DNAH11: variants seen among roughly 807,000 people sequenced by gnomAD.
DNAH11 encodes axonemal beta dynein heavy chain 11.
In DNAH11, 442 loss-of-function variants were observed where a neutral mutation model predicts 526.0. The ratio of observed to expected loss-of-function variants is 0.84; its 90% CI spans 0.78 to 0.91. The LOEUF (loss-of-function observed/expected upper bound fraction) is 0.91, where lower values mean the gene tolerates loss of function less well. Among genes scored for constraint, DNAH11 ranks in the 40% least tolerant of loss-of-function variants. DNAH11 has a pLI of 0.00. For synonymous variants in DNAH11, 2,461 were observed against 1,935.9 expected, an observed-to-expected ratio of 1.27 and a Z score of -7.12; for missense variants, 6,989 against 5,448.7, an observed-to-expected ratio of 1.28 and a Z score of -8.90.
intron 66 of DNAH11, among the ~76,000 whole-genome samples, chr7:21,848,522 G>C (rs1782506953): frequency 6.6e-6 from 1 of 151,676 alleles, no homozygotes; most frequent in South Asian, 2.1e-4. Context: ...CACTAGTTTT[G>C]TCTTTTTCTC....
At chr7:21,707,952 G>T in intron 40 of DNAH11, 117 bp downstream of exon 40, 7 of 1,072,572 alleles carry the variant, frequency 6.5e-6, no homozygotes, top group Non-Finnish European at 7.7e-6. Context: ...TGGCATTATT[G>T]GAAATATAGC....
At chr7:21,738,330 A>G (rs1003701973) in intron 46 of DNAH11, among the ~76,000 whole-genome samples, 3 of 152,218 alleles carry the variant, frequency 2.0e-5, no homozygotes, top group South Asian at 2.1e-4. Context: ...ATGACAGAGA[A>G]GAGAACTGAG....
At chr7:21,740,251 T>A (rs1400392902) in intron 48 of DNAH11, among the ~76,000 whole-genome samples, 1 of 152,182 alleles carries the variant, frequency 6.6e-6, no homozygotes, top group Non-Finnish European at 1.5e-5. Context: ...ATTTACCACA[T>A]TAACCATTTC....
intron 71 of DNAH11, among the ~76,000 whole-genome samples, chr7:21,866,906 G>A (rs985132042): frequency 5.9e-5 from 9 of 152,158 alleles, no homozygotes; most frequent in Non-Finnish European, 1.2e-4. Flanking sequence ...TGGAGACAGG[G>A]GACTGATGGA....
At chr7:21,870,366 A>G (rs1783450634) in intron 73 of DNAH11, among the ~76,000 whole-genome samples, 1 of 152,186 alleles carries the variant, frequency 6.6e-6, no homozygotes, top group African/African-American at 2.4e-5. Flanking sequence ...GATTGCAGGA[A>G]TGTAACCTTC....
chr7:21,588,377 C>T (rs956342723), intron 10 of DNAH11, 135 bp from the exon 11 acceptor site: 2 of 1,327,238 alleles, frequency 1.5e-6, no homozygotes, highest in African/African-American at 1.5e-5. Context: ...TGTAACTCTT[C>T]TAGTAATCAA....
At position 21,543,088 on chromosome 7, in the gene DNAH11, G is replaced by A. The variant is rs1038518253; in HGVS notation, c.-158G>A. 3.5e-5 allele frequency: 49 copies of A among 1,389,200 alleles called. No individual in the cohort carries two copies. In the Admixed American group the frequency reaches 1.5e-3, roughly 41 times the overall value. 86.1% of individuals were successfully genotyped at this position (1,389,200 alleles called of 1,614,324 possible). ...CGAGGCTACAGCTGTGCGCAGTGGC[G>A]CGGCTGCTAAGTAGCAGCAGGTGGG... On this transcript the variant is annotated 5_prime_UTR_variant, in exon 1 of 82. Coordinates refer to ENST00000409508, the MANE Select transcript of DNAH11 (RefSeq NM_001277115.2).
At chr7:21,854,084 T>A (rs1227788507) in intron 67 of DNAH11, among the ~76,000 whole-genome samples, 1 of 152,164 alleles carries the variant, frequency 6.6e-6, no homozygotes, top group Non-Finnish European at 1.5e-5. Context: ...ATCTGTAACC[T>A]AGAAAACCGC....
intron 32 of DNAH11, among the ~76,000 whole-genome samples, chr7:21,684,404 G>T (rs1467130957): frequency 6.6e-6 from 1 of 152,204 alleles, no homozygotes; most frequent in Non-Finnish European, 1.5e-5. Flanking sequence ...AACAGCCAGG[G>T]TTCCTGCTGT....
intron 54 of DNAH11, among the ~76,000 whole-genome samples, chr7:21,762,605 A>G (rs909617988): frequency 6.6e-6 from 1 of 152,218 alleles, no homozygotes; most frequent in African/African-American, 2.4e-5. Flanking sequence ...TTAAGTTAGC[A>G]CATGAAATAT....
At chr7:21,622,164 A>G (rs931973172) in intron 25 of DNAH11, among the ~76,000 whole-genome samples, 16 of 152,196 alleles carry the variant, frequency 1.1e-4, no homozygotes, top group Non-Finnish European at 1.8e-4. Context: ...AAGCATTCTT[A>G]TACACCAATA....
chr7:21,604,575 C>T (rs932513924), intron 18 of DNAH11, among the ~76,000 whole-genome samples: 1 of 152,106 alleles, frequency 6.6e-6, no homozygotes, highest in South Asian at 2.1e-4. Context: ...CTGTTGAAAC[C>T]TAGTCATTTC....
chr7:21,713,763 C>G (rs764079112), intron 42 of DNAH11, among the ~76,000 whole-genome samples: 6 of 152,168 alleles, frequency 3.9e-5, no homozygotes, highest in Non-Finnish European at 5.9e-5. Context: ...CATTCCTTAC[C>G]TCTACAGTGT....
intron 45 of DNAH11, among the ~76,000 whole-genome samples, chr7:21,730,365 A>G (rs1410822083): frequency 6.6e-6 from 1 of 152,238 alleles, no homozygotes; most frequent in Non-Finnish European, 1.5e-5. Flanking sequence ...GCTCAAAGGA[A>G]ATGTTCACTG....
chr7:21,819,084 C>G (rs1333635828), intron 65 of DNAH11, among the ~76,000 whole-genome samples: 1 of 152,142 alleles, frequency 6.6e-6, no homozygotes, highest in African/African-American at 2.4e-5. Context: ...ATAGGGGAAA[C>G]TGGCACTCAA....
rs2128053349 is a variant in DNAH11, at chr7:21,901,060, C to G, written c.13357C>G (p.Leu4453Val). 1 of 1,613,466 alleles carries G rather than the reference C, an allele frequency of 6.2e-7. No individual in the cohort carries two copies. The highest frequency in any genetic ancestry group is 1.3e-5 in the African/African-American group (1 of 75,034). ...GTIVEARLKE[L>V]ACPMPVIFAK... ...CATTGTTGAAGCCCGTCTCAAGGAG[C>G]TGGCATGCCCTATGCCGGTCATCTT... is the stretch of plus-strand genomic sequence containing the variant. The change falls in exon 82 of 82, where the codon CTG (leucine) becomes GTG (valine). Residue 4453 changes from leucine to valine, a missense_variant. Transcript: ENST00000409508.
At chr7:21,844,686 A>T (rs757303720) in intron 66 of DNAH11, among the ~76,000 whole-genome samples, 1 of 152,218 alleles carries the variant, frequency 6.6e-6, no homozygotes, top group Non-Finnish European at 1.5e-5. Flanking sequence ...AATGCAAATT[A>T]TCTGGCCACA....
intron 64 of DNAH11, among the ~76,000 whole-genome samples, chr7:21,817,012 G>A (rs1789824100): frequency 6.6e-6 from 1 of 152,124 alleles, no homozygotes; most frequent in South Asian, 2.1e-4. Flanking sequence ...TCTCTGGAGT[G>A]TTTGGATAGT....
chr7:21,776,016 T>C (rs532298624), intron 56 of DNAH11, among the ~76,000 whole-genome samples: 2 of 152,318 alleles, frequency 1.3e-5, no homozygotes, highest in East Asian at 3.9e-4. Context: ...ACCATTCCAG[T>C]GGTGGCAGCA....
Sources: gnomAD v4.1 joint callset for allele counts (sites outside exome capture counted in the v4.1 genomes callset) on GRCh38, gnomAD v4.1.1 for gene constraint, MANE v1.5 for transcripts, NCBI Gene and HGNC (gene_info 2026-07-23, HGNC 2026-07-21) for gene names.